UTY: variants seen among roughly 807,000 people sequenced by gnomAD.
UTY encodes histone demethylase UTY.
UTY carries 12 observed loss-of-function variants against 32.5 expected under a neutral mutation model. The ratio of observed to expected loss-of-function variants is 0.37; its 90% CI spans 0.24 to 0.60. The LOEUF is 0.60. UTY is among the 20% of genes least tolerant of loss of function. The pLI, the probability that UTY is intolerant of heterozygous loss-of-function variation, is 0.69. For synonymous variants in UTY, 131 were observed against 103.4 expected (o/e 1.27, Z -1.62); for missense variants, 303 against 299.2 (o/e 1.01, Z -0.09).
At chrY:13,283,079 G>A in intron 27 of UTY, among the ~76,000 whole-genome samples, 1 of 34,576 alleles carries the variant, frequency 2.9e-5, no homozygotes, top group Non-Finnish European at 7.3e-5. Context: ...GAGTGGAAGC[G>A]TGGCCTCATC....
intron 4 of UTY, among the ~76,000 whole-genome samples, chrY:13,431,454 A>G (rs2073989824): frequency 3.0e-5 from 1 of 33,052 alleles, no homozygotes; most frequent in African/African-American, 1.2e-4. Flanking sequence ...AGATGCGTGC[A>G]CACACAAATT....
In UTY at chrY:13,355,905, T is replaced by A. The variant is rs13447373; in HGVS notation, c.1665+18A>T. The A allele has an allele frequency of 1.0e-3, 365 of 357,972 alleles. No individual in the cohort carries two copies. In the Middle Eastern group the frequency reaches 0.011, roughly 11 times the overall value. 89.3% of individuals were successfully genotyped at this position (357,972 alleles called of 400,897 possible). ...AACTGTTGGTAAATTTTAGAGAAAA[T>A]AAAAATATTATACATACTTGCTGCA... On this transcript the variant is annotated intron_variant, in intron 16 of 29. Transcript: ENST00000545955.
intron 27 of UTY, among the ~76,000 whole-genome samples, chrY:13,266,568 T>C (rs2055829443): frequency 3.0e-5 from 1 of 32,937 alleles, no homozygotes; most frequent in Non-Finnish European, 7.4e-5. Flanking sequence ...ATTTGTTTGC[T>C]CTTGCTTCTC....
chrY:13,366,730 C>T, intron 9 of UTY, among the ~76,000 whole-genome samples: 1 of 34,208 alleles, frequency 2.9e-5, no homozygotes, highest in South Asian at 6.3e-4. Flanking sequence ...AATTTACTGT[C>T]CTTTAAAGGT....
intron 27 of UTY, among the ~76,000 whole-genome samples, chrY:13,289,424 T>G (rs2057625994): frequency 2.9e-5 from 1 of 34,188 alleles, no homozygotes; most frequent in African/African-American, 1.1e-4. Context: ...AGAACCAATG[T>G]TATTCATAGA....
intron 17 of UTY, among the ~76,000 whole-genome samples, chrY:13,338,217 C>T (rs2061248604): frequency 4.0e-5 from 1 of 24,767 alleles, no homozygotes; most frequent in South Asian, 9.9e-4. Flanking sequence ...TTAGTAGAAA[C>T]GGGGTTTCAT....
chrY:13,382,544 CAGG>C (rs2066249341), intron 8 of UTY, among the ~76,000 whole-genome samples: 1 of 34,094 alleles, frequency 2.9e-5, no homozygotes, highest in Non-Finnish European at 7.3e-5. Context: ...CCTGCAGCAG[CAGG>C]AGAATACACA....
intron 27 of UTY, among the ~76,000 whole-genome samples, chrY:13,294,906 A>C: frequency 3.1e-5 from 1 of 32,263 alleles, no homozygotes; most frequent in African/African-American, 1.2e-4. Context: ...AAAAATACAA[A>C]AAAATCAGCC....
At chrY:13,396,197 C>G in intron 7 of UTY, 5 of 32,433 alleles carry the variant, frequency 1.5e-4, no homozygotes, top group African/African-American at 6.1e-4. Context: ...CAGGTGTGAG[C>G]CACTGCTCCC....
chrY:13,443,193 A>C, intron 4 of UTY, among the ~76,000 whole-genome samples: 1 of 33,680 alleles, frequency 3.0e-5, no homozygotes, highest in African/African-American at 1.2e-4. Flanking sequence ...GTTAACATTA[A>C]GTACAGGTTA....
intron 4 of UTY, among the ~76,000 whole-genome samples, chrY:13,448,609 T>C (rs1032184747): frequency 6.0e-5 from 2 of 33,568 alleles, no homozygotes; most frequent in African/African-American, 2.3e-4. Context: ...GACAACTCTA[T>C]GAATACATTA....
At chrY:13,312,164 G>A (rs2059146124) in intron 21 of UTY, among the ~76,000 whole-genome samples, 4 of 33,762 alleles carry the variant, frequency 1.2e-4, no homozygotes, top group African/African-American at 2.3e-4. Flanking sequence ...AGGCCGAGGC[G>A]GGCGGATCAC....
At chrY:13,379,985 G>GTATA in intron 8 of UTY, among the ~76,000 whole-genome samples, 2 of 7,363 alleles carry the variant, frequency 2.7e-4, no homozygotes, top group African/African-American at 1.0e-3. Flanking sequence ...TATACATCTA[G>GTATA]TATATATATA....
At chrY:13,374,358 A>G in intron 8 of UTY, among the ~76,000 whole-genome samples, 1 of 33,369 alleles carries the variant, frequency 3.0e-5, no homozygotes. Context: ...TCTTTAAAAC[A>G]AAACAAAACA....
intron 8 of UTY, among the ~76,000 whole-genome samples, chrY:13,376,737 A>G: frequency 3.0e-5 from 1 of 33,389 alleles, no homozygotes; most frequent in Non-Finnish European, 7.4e-5. Context: ...CAAAAAAGTA[A>G]AAGAACCTAG....
At chrY:13,259,237 G>C in intron 28 of UTY, among the ~76,000 whole-genome samples, 2 of 33,964 alleles carry the variant, frequency 5.9e-5, no homozygotes, top group Admixed American at 5.3e-4. Context: ...ATCTCTGTTC[G>C]AGGCTTTCAG....
chrY:13,260,843 T>A (rs2055214124), intron 27 of UTY, among the ~76,000 whole-genome samples: 1 of 33,337 alleles, frequency 3.0e-5, no homozygotes, highest in Admixed American at 2.8e-4. Context: ...CCACAGCAGA[T>A]AATTATCTAT....
intron 28 of UTY, among the ~76,000 whole-genome samples, chrY:13,242,087 C>G: frequency 6.2e-5 from 2 of 32,426 alleles, no homozygotes; most frequent in African/African-American, 2.4e-4. Flanking sequence ...AAAACAAAAA[C>G]AAAAAACAAT....
intron 27 of UTY, among the ~76,000 whole-genome samples, chrY:13,279,222 C>T: frequency 3.0e-5 from 1 of 33,646 alleles, no homozygotes; most frequent in South Asian, 6.5e-4. Flanking sequence ...CTTGGGGTGC[C>T]CCTTAGGCAG....
Sources: allele counts gnomAD v4.1 joint callset (sites outside exome capture counted in the v4.1 genomes callset), GRCh38; gene constraint gnomAD v4.1.1; transcripts MANE v1.5; gene names NCBI Gene and HGNC (gene_info 2026-07-23, HGNC 2026-07-21).